The following SNF8 variants were observed in gnomAD, a reference collection of about 807,000 sequenced individuals.
SNF8 encodes the protein SNF8 subunit of ESCRT-II.
Under a neutral mutation model 36.8 loss-of-function variants are expected in SNF8, and 19 were observed. That is an observed-to-expected ratio of 0.52 (90% CI 0.36 to 0.76). The LOEUF (loss-of-function observed/expected upper bound fraction) is 0.76, where lower values mean the gene tolerates loss of function less well. Ranked by LOEUF, SNF8 falls within the 30% of genes least tolerant of loss-of-function variation. The pLI, the probability that SNF8 is intolerant of heterozygous loss-of-function variation, is 0.00. For synonymous variants in SNF8, 127 were observed against 127.4 expected (o/e 1.00, Z 0.02); for missense variants, 268 against 322.9 (o/e 0.83, Z 1.30).
At chr17:48,940,618 A>G (rs934582477) in intron 3 of SNF8, among the ~76,000 whole-genome samples, 6 of 151,964 alleles carry the variant, frequency 3.9e-5, no homozygotes, top group Admixed American at 1.3e-4. Flanking sequence ...GTGAAACCCC[A>G]TCTCTACTAA....
intron 3 of SNF8, among the ~76,000 whole-genome samples, chr17:48,940,650 C>T (rs976883436): frequency 2.6e-5 from 4 of 152,000 alleles, no homozygotes; most frequent in Admixed American, 1.3e-4. Flanking sequence ...ATTAGCTGGA[C>T]GTGGTCGCGA....
chr17:48,933,083 T>C (rs2040882764), intron 6 of SNF8, 122 bp downstream of exon 6: 1 of 1,043,992 alleles, frequency 9.6e-7, no homozygotes, highest in African/African-American at 1.6e-5. Context: ...GCCTGAGTAG[T>C]TCATCCACTG....
intron 6 of SNF8, chr17:48,932,502 T>G (rs972321481): frequency 6.6e-6 from 1 of 152,114 alleles, no homozygotes; most frequent in African/African-American, 2.4e-5. Flanking sequence ...ATCCCAGCAC[T>G]TAGAGAGGCT....
At chr17:48,931,575 T>C in intron 7 of SNF8, 68 bp downstream of exon 7, 1 of 1,302,070 alleles carries the variant, frequency 7.7e-7, no homozygotes, top group Non-Finnish European at 1.1e-6. Context: ...AGTTCCTGCA[T>C]TTGTGGAACC....
chr17:48,935,512 CA>C (rs34255720), intron 5 of SNF8, among the ~76,000 whole-genome samples: 32,304 of 88,916 alleles, frequency 0.36, 5,303 homozygotes, highest in African/African-American at 0.58. Flanking sequence ...GACTCTGTCT[CA>C]AAAAAAAAAA....
chr17:48,931,508 T>A (rs1452734338), intron 7 of SNF8, 135 bp downstream of exon 7: 6 of 710,212 alleles, frequency 8.4e-6, no homozygotes, highest in Non-Finnish European at 1.2e-5. Flanking sequence ...GTGCTGGGCT[T>A]CCTTCTAGCA....
Position 48,944,824 on chromosome 17 carries a change from C to A in SNF8, c.-90G>T. 1 of 1,403,398 alleles carries A rather than the reference C, an allele frequency of 7.1e-7. No homozygotes were observed. Among genetic ancestry groups the A allele is most frequent in the South Asian group, 1.6e-5 (1 of 63,430 alleles). The allele number at this position is 1,403,398 out of a possible 1,614,324, so 86.9% of individuals were successfully genotyped here. ...CCGCCGGCTCCCCAAGGCGGAAGCC[C>A]GAGCCGCGCGTCATCTGCACGCGCC... On this transcript the variant is annotated 5_prime_UTR_variant, in exon 1 of 8. Coordinates refer to ENST00000502492, the MANE Select transcript of SNF8 (RefSeq NM_007241.4).
Position 48,931,927 on chromosome 17 carries a change from T to C in SNF8, c.565-210A>G, listed in dbSNP as rs1367196617. 6.5e-5 allele frequency: 29 copies of C among 446,930 alleles called. No homozygotes were observed. In the Admixed American group the frequency reaches 1.2e-3, roughly 19 times the overall value. The allele number at this position is 446,930 out of a possible 1,614,324, so 27.7% of individuals were successfully genotyped here. ...AGGTTGGTGGGTTCAATCCTAAAAC[T>C]GGGGTACCGGCCAGGCACGGCAGCT... is the stretch of plus-strand genomic sequence containing the variant. On this transcript the variant is annotated intron_variant, in intron 6 of 7. Coordinates refer to ENST00000502492, the MANE Select transcript of SNF8 (RefSeq NM_007241.4).
At chr17:48,933,393 T>G in intron 5 of SNF8, 47 bp from the exon 6 acceptor site, 1 of 1,609,114 alleles carries the variant, frequency 6.2e-7, no homozygotes. Context: ...GAATCAGACC[T>G]AACAACACAG....
chr17:48,931,865 G>A lies in SNF8; in HGVS notation c.565-148C>T, dbSNP rs150916020. 748 of 585,352 alleles carry A rather than the reference G, an allele frequency of 1.3e-3. 8 individuals are homozygous for A. Among genetic ancestry groups the A allele is most frequent in the Non-Finnish European group, 1.8e-4 (61 of 335,690 alleles). The allele number at this position is 585,352 out of a possible 1,614,324, so 36.3% of individuals were successfully genotyped here. A position where few individuals can be genotyped will look rare whatever the true frequency, so the allele number is the denominator to read the frequency against. Reference sequence around the variant, plus strand: ...ACAGAAAATGTTTAAAGGTTCCAGCGGGGAGAGAGAGAAGTGACTTTCAGC... The same window carrying A: ...ACAGAAAATGTTTAAAGGTTCCAGCAGGGAGAGAGAGAAGTGACTTTCAGC... On this transcript the variant is annotated intron_variant, in intron 6 of 7. Coordinates refer to ENST00000502492, the MANE Select transcript of SNF8 (RefSeq NM_007241.4).
In SNF8 at chr17:48,944,775, C is replaced by CG; in HGVS notation, c.-42dup. On this transcript the variant is annotated 5_prime_UTR_variant, in exon 1 of 8. Transcript: ENST00000502492. The stretch of plus-strand genomic sequence containing the variant: ...GCGGGCCGCCCGGCTGCCGGGACCC[C>CG]GGGTCTCCACGTCCCGGACTCCGCC... 1 of 1,573,650 alleles carries CG rather than the reference C, an allele frequency of 6.4e-7. No individual in the cohort carries two copies.
rs1323546839 is a variant in SNF8 at position 48,930,153 on chromosome 17, G to A, written c.*322C>T. On this transcript the variant is annotated 3_prime_UTR_variant, in exon 8 of 8. Transcript: ENST00000502492. ...TGAATTAGCATAGGCTGTAATCTATGTCTCACAGCTACAAAGACTAGACAG... is the reference window on the plus strand; with the variant it reads ...TGAATTAGCATAGGCTGTAATCTATATCTCACAGCTACAAAGACTAGACAG... The A allele has an allele frequency of 5.1e-6, 1 of 196,570 alleles. No individual in the cohort carries two copies. The highest frequency in any genetic ancestry group is 1.0e-5 in the Non-Finnish European group (1 of 96,564). The allele number at this position is 196,570 out of a possible 1,614,324, so 12.2% of individuals were successfully genotyped here. A position where few individuals can be genotyped will look rare whatever the true frequency, so the allele number is the denominator to read the frequency against.
At chr17:48,940,598 G>A (rs1348919400) in intron 3 of SNF8, among the ~76,000 whole-genome samples, 2 of 151,984 alleles carry the variant, frequency 1.3e-5, no homozygotes, top group Non-Finnish European at 1.5e-5. Flanking sequence ...AGACCATCCT[G>A]GCTAACATGG....
rs1203662817 is a variant in SNF8 at position 48,929,422 on chromosome 17, T to G, written c.*1053A>C. On this transcript the variant is annotated 3_prime_UTR_variant, in exon 8 of 8. Transcript: ENST00000502492. ...TCTCAGTATGGAAAAACCATTGAGTTTTCAGATTTCCAGTACTAAACTAGC... is the reference window on the plus strand; with the variant it reads ...TCTCAGTATGGAAAAACCATTGAGTGTTCAGATTTCCAGTACTAAACTAGC... 6.6e-6 allele frequency: 1 copy of G among 152,124 alleles called. No homozygotes were observed. Among genetic ancestry groups the G allele is most frequent in the Non-Finnish European group, 1.5e-5 (1 of 68,034 alleles). The allele number at this position is 152,124 out of a possible 1,614,324, so 9.4% of individuals were successfully genotyped here.
chr17:48,930,374 T>C lies in SNF8; in HGVS notation c.*101A>G, dbSNP rs1424970083. On this transcript the variant is annotated 3_prime_UTR_variant, in exon 8 of 8. Transcript: ENST00000502492. ...AAAGAATGAGGGAAGAAAGAAAAAC[T>C]TGGAACTTTTTTTCTATTTTTTGTA... 4 of 1,285,806 alleles carry C rather than the reference T, an allele frequency of 3.1e-6. No homozygotes were observed. The highest frequency in any genetic ancestry group is 5.3e-5 in the East Asian group (2 of 37,762). 79.6% of individuals were successfully genotyped at this position (1,285,806 alleles called of 1,614,324 possible). A position where few individuals can be genotyped will look rare whatever the true frequency, so the allele number is the denominator to read the frequency against.
Position 48,936,185 on chromosome 17 carries a change from G to A in SNF8, c.407C>T (p.Ala136Val), listed in dbSNP as rs2040931526. 1 of 1,613,732 alleles carries A rather than the reference G, an allele frequency of 6.2e-7. No individual in the cohort carries two copies. The highest frequency in any genetic ancestry group is 1.7e-5 in the Admixed American group (1 of 60,000). The change falls in exon 5 of 8, where the codon GCC (alanine) becomes GTC (valine). Residue 136 changes from alanine (A) to valine (V), a missense_variant. By Grantham distance (64) the Ala-to-Val change is moderately conservative. Transcript: ENST00000502492. ...CAAGACCTACTGACTGACATCCTGG[G>A]CGAACTTGCCCCTTCCCTTCAACAC... ...QQVLKGRGKF[A>V]QDVSQDDLIR...
chr17:48,937,788 T>C (rs1396186193), intron 3 of SNF8, among the ~76,000 whole-genome samples: 2 of 151,954 alleles, frequency 1.3e-5, no homozygotes, highest in Non-Finnish European at 2.9e-5. Context: ...TAGCCGGGCG[T>C]GGTGGCGCGT....
intron 6 of SNF8, 75 bp from the exon 7 acceptor site, chr17:48,931,792 C>A: frequency 8.7e-7 from 1 of 1,143,912 alleles, no homozygotes; most frequent in Non-Finnish European, 1.3e-6. Context: ...TGCCCAGGAA[C>A]AAGAGACTTA....
In SNF8 at chr17:48,936,329, A is replaced by C; in HGVS notation, c.350-87T>G. ...GTCATTACAATTCCAGTGGCCTACAAGTAGCAAATAACATTCTAGTTCCTA... is the reference window on the plus strand; with the variant it reads ...GTCATTACAATTCCAGTGGCCTACACGTAGCAAATAACATTCTAGTTCCTA... On this transcript the variant is annotated intron_variant, in intron 4 of 7. Coordinates refer to ENST00000502492, the MANE Select transcript of SNF8 (RefSeq NM_007241.4). 5 of 990,036 alleles carry C rather than the reference A, an allele frequency of 5.1e-6. No individual in the cohort carries two copies. In the South Asian group the frequency reaches 6.9e-5, roughly 14 times the overall value. 61.3% of individuals were successfully genotyped at this position (990,036 alleles called of 1,614,324 possible).
Sources: gnomAD v4.1 joint callset for allele counts (sites outside exome capture counted in the v4.1 genomes callset) on GRCh38, gnomAD v4.1.1 for gene constraint, MANE v1.5 for transcripts, NCBI Gene and HGNC (gene_info 2026-07-23, HGNC 2026-07-21) for gene names.